Variants in RGS6 observed in about 807,000 individuals in gnomAD.
RGS6 encodes regulator of G protein signaling 6.
A neutral mutation model predicts 78.5 loss-of-function variants in RGS6; 30 were observed. The ratio of observed to expected loss-of-function variants is 0.38; its 90% CI spans 0.29 to 0.52. The LOEUF is 0.52. RGS6 is among the 20% of genes least tolerant of loss of function. The pLI is 0.85. For missense variants in RGS6, 495 were observed against 609.7 expected, an observed-to-expected ratio of 0.81 and a Z score of 1.98; for synonymous variants, 206 against 206.0, an observed-to-expected ratio of 1.00 and a Z score of 0.00.
chr14:72,125,661 G>C (rs2096172972), intron 2 of RGS6, among the ~76,000 whole-genome samples: 1 of 152,102 alleles, frequency 6.6e-6, no homozygotes, highest in African/African-American at 2.4e-5. Context: ...ATTGGAGGTG[G>C]GGGAAAGGTG....
chr14:72,071,374 C>A (rs893906733), intron 2 of RGS6, among the ~76,000 whole-genome samples: 4 of 152,170 alleles, frequency 2.6e-5, no homozygotes, highest in African/African-American at 9.7e-5. Context: ...TCGTACATGT[C>A]TTCTGGTGCA....
intron 2 of RGS6, among the ~76,000 whole-genome samples, chr14:72,339,561 G>T (rs1041282032): frequency 6.6e-6 from 1 of 152,128 alleles, no homozygotes; most frequent in Non-Finnish European, 1.5e-5. Flanking sequence ...GGGGTGCCTG[G>T]TCATGCTGCC....
chr14:72,398,025 G>A (rs1009460177), intron 3 of RGS6, among the ~76,000 whole-genome samples: 1 of 152,128 alleles, frequency 6.6e-6, no homozygotes, highest in African/African-American at 2.4e-5. Flanking sequence ...TTTATGTGGT[G>A]TCTCTGCCAG....
chr14:72,096,141 C>T (rs2095401663), intron 2 of RGS6, among the ~76,000 whole-genome samples: 1 of 152,066 alleles, frequency 6.6e-6, no homozygotes, highest in Non-Finnish European at 1.5e-5. Flanking sequence ...AGTGCGGTGG[C>T]ACGCACCTGT....
chr14:72,474,508 AT>A, intron 9 of RGS6, 116 bp from the exon 10 acceptor site: 1 of 926,448 alleles, frequency 1.1e-6, no homozygotes, highest in South Asian at 1.7e-5. Flanking sequence ...GGAAAAAAAA[AT>A]CATGCATTGT....
intron 17 of RGS6, among the ~76,000 whole-genome samples, chr14:72,556,665 C>A (rs1290191039): frequency 3.8e-5 from 4 of 103,966 alleles, no homozygotes; most frequent in African/African-American, 1.6e-4. Context: ...TACCACTGTA[C>A]ATGAGAAGGT....
chr14:72,624,166 G>C, the RGS6 span, among the ~76,000 whole-genome samples: 1 of 151,968 alleles, frequency 6.6e-6, no homozygotes, highest in Admixed American at 6.6e-5. Flanking sequence ...TTTAAACTTA[G>C]AGAAAAGTGC....
Position 72,197,088 on chromosome 14 carries a change from C to T in RGS6, c.85-155007C>T, listed in dbSNP as rs569709675. The stretch of plus-strand genomic sequence containing the variant: ...TTCTTTCTTTTTGTTTCTTTTGAGA[C>T]GGAGTCTTGCTCTGTTGCCCAGGCT... On this transcript the variant is annotated intron_variant, in intron 2 of 17. Coordinates refer to ENST00000553525, the MANE Select transcript of RGS6 (RefSeq NM_001204424.2). 6.6e-5 allele frequency among the ~76,000 whole-genome samples: 10 copies of T among 152,242 alleles called. No homozygotes were observed. The South Asian group carries it at 1.2e-3, about 19-fold the overall frequency.
chr14:72,442,704 C>T (rs2095248695), intron 3 of RGS6, among the ~76,000 whole-genome samples: 1 of 152,250 alleles, frequency 6.6e-6, no homozygotes, highest in South Asian at 2.1e-4. Context: ...TCTCAGACTG[C>T]ACTTCTATCG....
chr14:72,222,498 G>A lies in RGS6; in HGVS notation c.85-129597G>A, dbSNP rs971327436. 2.0e-5 allele frequency among the ~76,000 whole-genome samples: 3 copies of A among 152,212 alleles called. No individual in the cohort carries two copies. In the East Asian group the frequency reaches 5.8e-4, roughly 29 times the overall value. ...CAGAGCCAGTTCCCATCTTCCTGGA[G>A]TCAACATGATTCTAGAACCTTCACC... On this transcript the variant is annotated intron_variant, in intron 2 of 17. Transcript: ENST00000553525.
chr14:72,414,027 G>A (rs2093622145), intron 3 of RGS6, among the ~76,000 whole-genome samples: 1 of 152,136 alleles, frequency 6.6e-6, no homozygotes, highest in South Asian at 2.1e-4. Flanking sequence ...CAACTTTGGT[G>A]AATCTGACAA....
chr14:72,584,893 G>A, the RGS6 span, among the ~76,000 whole-genome samples: 1 of 152,150 alleles, frequency 6.6e-6, no homozygotes, highest in Non-Finnish European at 1.5e-5. Context: ...GTATAAGAGA[G>A]GCTAGAGCTG....
At chr14:72,232,780 T>C (rs1167728587) in intron 2 of RGS6, among the ~76,000 whole-genome samples, 2 of 151,794 alleles carry the variant, frequency 1.3e-5, no homozygotes, top group East Asian at 3.9e-4. Flanking sequence ...GAAAGGAGGG[T>C]AGAATCAATG....
At chr14:71,988,341 G>C (rs753724352) in intron 2 of RGS6, among the ~76,000 whole-genome samples, 6 of 152,222 alleles carry the variant, frequency 3.9e-5, no homozygotes, top group Non-Finnish European at 8.8e-5. Context: ...CTTTAGGACA[G>C]TTGTCAGCAA....
chr14:72,451,323 G>A (rs1447421428), intron 3 of RGS6, among the ~76,000 whole-genome samples: 1 of 152,204 alleles, frequency 6.6e-6, no homozygotes, highest in Non-Finnish European at 1.5e-5. Flanking sequence ...AAGGAAATGG[G>A]TTTTTGTGAT....
intron 1 of RGS6, among the ~76,000 whole-genome samples, chr14:71,939,506 C>T (rs898891736): frequency 6.6e-6 from 1 of 152,134 alleles, no homozygotes; most frequent in Admixed American, 6.5e-5. Flanking sequence ...GTTGATATAC[C>T]CCTGAGGTAG....
At chr14:72,422,174 C>A (rs1414379625) in intron 3 of RGS6, among the ~76,000 whole-genome samples, 4 of 152,192 alleles carry the variant, frequency 2.6e-5, no homozygotes, top group Admixed American at 2.0e-4. Context: ...GATTGTGAGG[C>A]CTCCCCAGCC....
At chr14:72,461,262 A>C (rs2095773273) in intron 6 of RGS6, among the ~76,000 whole-genome samples, 1 of 152,094 alleles carries the variant, frequency 6.6e-6, no homozygotes, top group African/African-American at 2.4e-5. Flanking sequence ...GGCAGTGGAG[A>C]GGGTGGGAGG....
intron 3 of RGS6, among the ~76,000 whole-genome samples, chr14:72,387,577 T>A (rs540406638): frequency 1.4e-4 from 22 of 152,072 alleles, no homozygotes; most frequent in African/African-American, 4.8e-4. Flanking sequence ...AGAGGGATAT[T>A]TGAGATACAC....
Sources: gnomAD v4.1 joint callset for allele counts (sites outside exome capture counted in the v4.1 genomes callset) on GRCh38, gnomAD v4.1.1 for gene constraint, MANE v1.5 for transcripts, NCBI Gene and HGNC (gene_info 2026-07-23, HGNC 2026-07-21) for gene names.